MAPK8IP2: variants seen among roughly 807,000 people sequenced by gnomAD.
MAPK8IP2 encodes the protein C-Jun-amino-terminal kinase-interacting protein 2.
In MAPK8IP2, 15 loss-of-function variants were observed where a neutral mutation model predicts 75.6. That is an observed-to-expected ratio of 0.20 (90% CI 0.13 to 0.31). The LOEUF (loss-of-function observed/expected upper bound fraction) is 0.31, where lower values mean the gene tolerates loss of function less well. MAPK8IP2 is among the 10% of genes least tolerant of loss of function. The pLI is 1.00. For missense variants in MAPK8IP2, 1,089 were observed against 1,211.2 expected, an observed-to-expected ratio of 0.90 and a Z score of 1.50; for synonymous variants, 632 against 554.5, an observed-to-expected ratio of 1.14 and a Z score of -1.96.
chr22:50,603,406 C>T lies in MAPK8IP2; in HGVS notation c.355C>T (p.Pro119Ser). The T allele has an allele frequency of 6.4e-7, 1 of 1,559,354 alleles. No individual in the cohort carries two copies. Among genetic ancestry groups the T allele is most frequent in the Non-Finnish European group, 8.7e-7 (1 of 1,152,262 alleles). Residue 119 changes from proline (P) to serine (S), a missense_variant, in exon 3 of 12, where the codon CCT becomes TCT. Pro to Ser is a moderately conservative substitution (Grantham distance 74). Around this residue, in one of 2 missense-constraint regions of MAPK8IP2, gnomAD observed 960 missense variants for 1,009.6 expected, o/e 0.95. Transcript: ENST00000329492. ...QEGGDPGSEA[P>S]APGPLIPSPS... ...GGGAGGAGACCCTGGCTCAGAGGCA[C>T]CTGCCCCCGGGCCCCTTATCCCCTC... is the stretch of plus-strand genomic sequence containing the variant.
intron 5 of MAPK8IP2, 100 bp from the exon 6 acceptor site, chr22:50,605,268 C>T (rs2071028528): frequency 8.2e-7 from 1 of 1,218,490 alleles, no homozygotes; most frequent in Non-Finnish European, 1.2e-6. Context: ...CTACACCGGA[C>T]TGTGGAGGGG....
chr22:50,606,613 T>G lies in MAPK8IP2; in HGVS notation c.2125-45T>G, dbSNP rs778081952. 7.2e-6 allele frequency: 10 copies of G among 1,383,954 alleles called. No individual in the cohort carries two copies. In the African/African-American group the frequency reaches 1.4e-4, roughly 20 times the overall value. The allele number at this position is 1,383,954 out of a possible 1,614,324, so 85.7% of individuals were successfully genotyped here. ...TCCCACCAAGGGGAAAGAAAGGCCC[T>G]TGTGGGCTCCTCAAGACCCTCTTCT... On this transcript the variant is annotated intron_variant, in intron 8 of 11. Coordinates refer to ENST00000329492, the MANE Select transcript of MAPK8IP2 (RefSeq NM_012324.6).
At position 50,604,580 on chromosome 22, in the gene MAPK8IP2, C is replaced by A; in HGVS notation, c.1281C>A (p.Pro427=). Reference sequence around the variant, plus strand: ...CGCCCGCGCCCGCCGCGCCTCGACCCGGCCCCGCGCAGCCCGGGCCCTGCC... The same window carrying A: ...CGCCCGCGCCCGCCGCGCCTCGACCAGGCCCCGCGCAGCCCGGGCCCTGCC... ...PPPPAPAAPR[P]GPAQPGPCLF... is the part of the protein sequence containing the mutation. The change falls in exon 5 of 12, where the codon CCC becomes CCA. Residue 427 remains proline (P), a synonymous_variant. Coordinates refer to ENST00000329492, the MANE Select transcript of MAPK8IP2 (RefSeq NM_012324.6). The A allele has an allele frequency of 7.7e-7, 1 of 1,290,968 alleles. No homozygotes were observed. The highest frequency in any genetic ancestry group is 9.8e-7 in the Non-Finnish European group (1 of 1,024,606). The allele number at this position is 1,290,968 out of a possible 1,614,324, so 80.0% of individuals were successfully genotyped here.
Position 50,603,947 on chromosome 22 carries a change from G to T in MAPK8IP2, c.648G>T (p.Ala216=). Residue 216 remains alanine, a synonymous_variant, in exon 5 of 12, where the codon GCG becomes GCT. Coordinates refer to ENST00000329492, the MANE Select transcript of MAPK8IP2 (RefSeq NM_012324.6). Reference sequence around the variant, plus strand: ...GGAACCGGCCTGCGGAACCCCCTGCGCCAGGGGGGACTTCGCCCTCCTCAG... The same window carrying T: ...GGAACCGGCCTGCGGAACCCCCTGCTCCAGGGGGGACTTCGCCCTCCTCAG... ...CEGNRPAEPP[A]PGGTSPSSDP... 1 of 1,545,192 alleles carries T rather than the reference G, an allele frequency of 6.5e-7. No homozygotes were observed.
intron 8 of MAPK8IP2, among the ~76,000 whole-genome samples, 154 bp from the exon 9 acceptor site, chr22:50,606,504 C>T (rs937073885): frequency 6.6e-6 from 1 of 152,250 alleles, no homozygotes; most frequent in African/African-American, 2.4e-5. Context: ...GCCAAGGCCA[C>T]ACCCCTTATG....
chr22:50,601,985 G>A (rs1206427647), intron 2 of MAPK8IP2, 91 bp downstream of exon 2: 63 of 1,059,166 alleles, frequency 5.9e-5, no homozygotes, highest in Middle Eastern at 2.0e-4. Flanking sequence ...GGGTGGGTGT[G>A]AGCTCAGCCT....
At chr22:50,609,097 G>A (rs369122925) in intron 10 of MAPK8IP2, among the ~76,000 whole-genome samples, 61 of 152,240 alleles carry the variant, frequency 4.0e-4, no homozygotes, top group Non-Finnish European at 8.1e-4. Context: ...CAGACCCCCC[G>A]TCCCCGGTCC....
chr22:50,601,909 G>A lies in MAPK8IP2; in HGVS notation c.171+15G>A. Reference sequence around the variant, plus strand: ...ACTGTGAGAAGGTGGGAGAAGAGTTGGGGACACAGATCCAGCTCAAGGGAG... The same window carrying A: ...ACTGTGAGAAGGTGGGAGAAGAGTTAGGGACACAGATCCAGCTCAAGGGAG... On this transcript the variant is annotated intron_variant, in intron 2 of 11. Transcript: ENST00000329492. 3 of 1,602,624 alleles carry A rather than the reference G, an allele frequency of 1.9e-6. No homozygotes were observed. Among genetic ancestry groups the A allele is most frequent in the Non-Finnish European group, 2.6e-6 (3 of 1,169,658 alleles).
In MAPK8IP2 at chr22:50,605,847, G is replaced by T. The variant is rs748357636; in HGVS notation, c.2037G>T (p.Trp679Cys). 1.5e-5 allele frequency: 24 copies of T among 1,587,568 alleles called. No individual in the cohort carries two copies. The highest frequency in any genetic ancestry group is 2.0e-5 in the Non-Finnish European group (23 of 1,168,314). ...CAGGGAGTAAGCGGAGCCCCTGCTG[G>T]GTGGAGCGCTTTGACGTGCAGTTCC... ...DLLGSKRSPC[W>C]VERFDVQFLG... Residue 679 changes from tryptophan to cysteine, a missense_variant, in exon 8 of 12, where the codon TGG becomes TGT. Physicochemically the swap from Trp to Cys is radical, Grantham distance 215. Around this residue, in one of 2 missense-constraint regions of MAPK8IP2, gnomAD observed 960 missense variants for 1,009.6 expected, o/e 0.95. Transcript: ENST00000329492.
At chr22:50,602,141 G>A (rs2070949095) in intron 2 of MAPK8IP2, among the ~76,000 whole-genome samples, 1 of 152,188 alleles carries the variant, frequency 6.6e-6, no homozygotes, top group Non-Finnish European at 1.5e-5. Context: ...GCCAGCCCGG[G>A]GCAGGGAGGT....
Position 50,603,676 on chromosome 22 carries a change from G to T in MAPK8IP2, c.498G>T (p.Trp166Cys). 6.3e-7 allele frequency: 1 copy of T among 1,588,374 alleles called. No individual in the cohort carries two copies. Among genetic ancestry groups the T allele is most frequent in the Non-Finnish European group, 8.6e-7 (1 of 1,167,778 alleles). The part of the protein sequence containing the change: ...GGFDLVRPAS[W>C]QETALCSPAP... ...TTGACCTGGTGCGTCCGGCCTCCTG[G>T]CAGGAGACAGCGCTATGCTCACCCG... The change falls in exon 4 of 12, where the codon TGG becomes TGT. Residue 166 changes from tryptophan (W) to cysteine (C), a missense_variant. Physicochemically the swap from Trp to Cys is radical, Grantham distance 215. Transcript: ENST00000329492.
At position 50,612,862 on chromosome 22, in the gene MAPK8IP2, G is replaced by GCCCCGCCCC. The variant is rs1569070565; in HGVS notation, c.*2083_*2084insCCCCGCCCC. 8.3e-4 allele frequency: 87 copies of GCCCCGCCCC among 105,038 alleles called. No individual in the cohort carries two copies. The highest frequency in any genetic ancestry group is 1.0e-3 in the African/African-American group (28 of 27,742). The allele number at this position is 105,038 out of a possible 1,614,324, so 6.5% of individuals were successfully genotyped here. A position where few individuals can be genotyped will look rare whatever the true frequency, so the allele number is the denominator to read the frequency against. On this transcript the variant is annotated 3_prime_UTR_variant, in exon 12 of 12. Transcript: ENST00000329492. ...CCAAGCCCTGCCCTCCGGCGCCCCC[G>GCCCCGCCCC]TCCCGCCCCTGCCCGGCCTGGCCCC... is the stretch of plus-strand genomic sequence containing the variant.
In MAPK8IP2 at chr22:50,603,926, C is replaced by T. The variant is rs753369308; in HGVS notation, c.627C>T (p.Asn209=). The T allele has an allele frequency of 1.1e-5, 17 of 1,539,948 alleles. No individual in the cohort carries two copies. In the South Asian group the frequency reaches 1.9e-4, roughly 17 times the overall value. Reference sequence around the variant, plus strand: ...GCCCGGGTTGCGACTGCGAAGGGAACCGGCCTGCGGAACCCCCTGCGCCAG... The same window carrying T: ...GCCCGGGTTGCGACTGCGAAGGGAATCGGCCTGCGGAACCCCCTGCGCCAG... ...PVRPGCDCEG[N]RPAEPPAPGG... is the part of the protein sequence containing the mutation. Residue 209 remains asparagine, a synonymous_variant, in exon 5 of 12, where the codon AAC becomes AAT. Coordinates refer to ENST00000329492, the MANE Select transcript of MAPK8IP2 (RefSeq NM_012324.6).
Position 50,603,302 on chromosome 22 carries a change from T to TCGATGACAATGAAGAGGAGGA in MAPK8IP2, c.258_278dup (p.Asp86_Asp92dup). The TCGATGACAATGAAGAGGAGGA allele has an allele frequency of 6.4e-7, 1 of 1,572,748 alleles. No homozygotes were observed. Among genetic ancestry groups the TCGATGACAATGAAGAGGAGGA allele is most frequent in the Admixed American group, 1.9e-5 (1 of 54,036 alleles). On this transcript the variant is annotated inframe_insertion, in exon 3 of 12. Transcript: ENST00000329492. ...GATGACTTCCAGGAGTTTGAGATGA[T>TCGATGACAATGAAGAGGAGGA]CGATGACAATGAAGAGGAGGACGAT...
At position 50,606,929 on chromosome 22, in the gene MAPK8IP2, C is replaced by T. The variant is rs1157550211; in HGVS notation, c.2241C>T (p.Arg747=). ...GCCCACCTCTGCTCTAGTTCCAGCG[C>T]TGCAGCCATTTCTTCCAGATGAAGA... The part of the protein sequence containing the change: ...SLSGGGPEFQ[R]CSHFFQMKNI... The change falls in exon 10 of 12, where the codon CGC becomes CGT. Residue 747 remains arginine (R), a synonymous_variant. Transcript: ENST00000329492. 1 of 1,613,886 alleles carries T rather than the reference C, an allele frequency of 6.2e-7. No individual in the cohort carries two copies. Among genetic ancestry groups the T allele is most frequent in the Admixed American group, 1.7e-5 (1 of 60,034 alleles).
chr22:50,605,079 G>C lies in MAPK8IP2; in HGVS notation c.1765+15G>C. The C allele has an allele frequency of 6.2e-7, 1 of 1,612,050 alleles. No individual in the cohort carries two copies. The highest frequency in any genetic ancestry group is 1.1e-5 in the South Asian group (1 of 91,066). ...TCGGTCCTCCAGTGAGTGAGAGGTG[G>C]GGAAAAGGGGGGTGGCCCAGAGGAA... On this transcript the variant is annotated intron_variant, in intron 5 of 11. Transcript: ENST00000329492.
intron 5 of MAPK8IP2, 78 bp from the exon 6 acceptor site, chr22:50,605,290 G>A (rs1303501433): frequency 7.0e-7 from 1 of 1,427,626 alleles, no homozygotes. Flanking sequence ...CTTGGCCTCT[G>A]CCCAAGGCCA....
chr22:50,605,342 C>G (rs377287641), intron 5 of MAPK8IP2, 26 bp from the exon 6 acceptor site: 2 of 1,607,114 alleles, frequency 1.2e-6, no homozygotes, highest in South Asian at 1.1e-5. Context: ...CTGTCTCCCC[C>G]GCCTCTGTCC....
chr22:50,610,711 G>A lies in MAPK8IP2; in HGVS notation c.2407G>A (p.Ala803Thr), dbSNP rs1374276644. 3 of 1,604,822 alleles carry A rather than the reference G, an allele frequency of 1.9e-6. No homozygotes were observed. Among genetic ancestry groups the A allele is most frequent in the Non-Finnish European group, 2.5e-6 (3 of 1,176,668 alleles). ...TGGAGGACCGTCTTTCCCCAGCCGC[G>A]CCTTCCTGGAGTACTACCAAGAGCA... ...MRPVAQSVGR[A>T]FLEYYQEHLA... Residue 803 changes from alanine (A) to threonine (T), a missense_variant, in exon 12 of 12, where the codon GCC becomes ACC. Physicochemically the swap from Ala to Thr is moderately conservative, Grantham distance 58. Transcript: ENST00000329492. The surrounding 1 kb of genome is among the most constrained non-coding windows in gnomAD (Gnocchi z 4.3).
Sources: gnomAD v4.1 joint callset for allele counts (sites outside exome capture counted in the v4.1 genomes callset) on GRCh38, gnomAD v4.1.1 for gene constraint, gnomAD v4.1.1 regional missense constraint, Gnocchi (gnomAD v3.1) non-coding constraint, MANE v1.5 for transcripts, NCBI Gene and HGNC (gene_info 2026-07-23, HGNC 2026-07-21) for gene names.